The following LRRC20 variants were observed in gnomAD, a reference collection of about 807,000 sequenced individuals.
The protein encoded by LRRC20 is leucine rich repeat containing 20.
LRRC20 carries 11 observed loss-of-function variants against 14.4 expected under a neutral mutation model. The observed-to-expected ratio is 0.77, with a 90% CI of 0.48 to 1.27. The LOEUF (loss-of-function observed/expected upper bound fraction) is 1.27, where lower values mean the gene tolerates loss of function less well. LRRC20 is among the 50% of genes most tolerant of loss of function. LRRC20 has a pLI of 0.00. For missense variants in LRRC20, 219 were observed against 251.2 expected (o/e 0.87, Z 0.87); for synonymous variants, 121 against 107.3 (o/e 1.13, Z -0.79).
chr10:70,299,920 G>C lies in LRRC20; in HGVS notation c.*1434C>G, dbSNP rs1356785676. The C allele has an allele frequency of 6.6e-6, 1 of 152,316 alleles. No individual in the cohort carries two copies. The highest frequency in any genetic ancestry group is 2.4e-5 in the African/African-American group (1 of 41,436). The allele number at this position is 152,316 out of a possible 1,614,324, so 9.4% of individuals were successfully genotyped here. A position where few individuals can be genotyped will look rare whatever the true frequency, so the allele number is the denominator to read the frequency against. On this transcript the variant is annotated 3_prime_UTR_variant, in exon 5 of 5. Transcript: ENST00000446961. Reference sequence around the variant, plus strand: ...TCCCAAGAGACAAGAGACCTGGGCAGGGACGAGGGAACTGGGAGCATTCTG... The same window carrying C: ...TCCCAAGAGACAAGAGACCTGGGCACGGACGAGGGAACTGGGAGCATTCTG...
chr10:70,370,372 TTA>T (rs2137149706), intron 2 of LRRC20, among the ~76,000 whole-genome samples: 1 of 152,192 alleles, frequency 6.6e-6, no homozygotes, highest in Non-Finnish European at 1.5e-5. Flanking sequence ...GTCCAAATTA[TTA>T]TATTATATAA....
Position 70,301,189 on chromosome 10 carries a change from A to G in LRRC20, c.*165T>C. 4 of 1,409,254 alleles carry G rather than the reference A, an allele frequency of 2.8e-6. No individual in the cohort carries two copies. The highest frequency in any genetic ancestry group is 3.7e-6 in the Non-Finnish European group (4 of 1,084,988). The allele number at this position is 1,409,254 out of a possible 1,614,324, so 87.3% of individuals were successfully genotyped here. ...TCCCTTGGGCATTCCAGAGCCCACTACTGCTGTAAGCTATCTATCCAGACC... is the reference window on the plus strand; with the variant it reads ...TCCCTTGGGCATTCCAGAGCCCACTGCTGCTGTAAGCTATCTATCCAGACC... On this transcript the variant is annotated 3_prime_UTR_variant, in exon 5 of 5. Transcript: ENST00000446961.
intron 2 of LRRC20, among the ~76,000 whole-genome samples, chr10:70,373,272 C>A (rs1844381915): frequency 6.6e-6 from 1 of 152,158 alleles, no homozygotes; most frequent in African/African-American, 2.4e-5. Context: ...CCTTCCTGGT[C>A]TACTTCAATA....
At chr10:70,359,992 C>G (rs1048099907) in intron 2 of LRRC20, among the ~76,000 whole-genome samples, 1 of 151,246 alleles carries the variant, frequency 6.6e-6, no homozygotes, top group African/African-American at 2.4e-5. Context: ...TCTCGGCTCA[C>G]TGCAACCTCT....
At chr10:70,341,129 C>T (rs1842899541) in intron 2 of LRRC20, among the ~76,000 whole-genome samples, 1 of 152,220 alleles carries the variant, frequency 6.6e-6, no homozygotes, top group Admixed American at 6.5e-5. Flanking sequence ...GCAATTCACA[C>T]AGACTTTATG....
intron 2 of LRRC20, among the ~76,000 whole-genome samples, chr10:70,349,665 T>G (rs1328445452): frequency 6.6e-6 from 1 of 152,188 alleles, no homozygotes; most frequent in Non-Finnish European, 1.5e-5. Context: ...ACTTTTTCTA[T>G]AGTAACTCAT....
intron 4 of LRRC20, among the ~76,000 whole-genome samples, chr10:70,321,955 G>C (rs1238963713): frequency 6.6e-6 from 1 of 152,204 alleles, no homozygotes; most frequent in South Asian, 2.1e-4. Flanking sequence ...TATGCAAGAG[G>C]AGCCAAAACA....
rs114774184 is a variant in LRRC20, at chr10:70,318,167, G to A, written c.400+5696C>T. Reference sequence around the variant, plus strand: ...GCCTATTGAAGCCACTTTGAGAATTGAGAGCCCAGGCAGAGCTTCTCAGGC... The same window carrying A: ...GCCTATTGAAGCCACTTTGAGAATTAAGAGCCCAGGCAGAGCTTCTCAGGC... On this transcript the variant is annotated intron_variant, in intron 4 of 4. Transcript: ENST00000446961. Among the ~76,000 whole-genome samples, 1,313 of 152,278 alleles carry A rather than the reference G, an allele frequency of 8.6e-3. 19 individuals are homozygous for A. Among genetic ancestry groups the A allele is most frequent in the African/African-American group, 0.03 (1,262 of 41,540 alleles).
chr10:70,336,692 CT>C (rs1315184490), intron 3 of LRRC20, among the ~76,000 whole-genome samples: 2 of 152,348 alleles, frequency 1.3e-5, no homozygotes, highest in African/African-American at 4.8e-5. Flanking sequence ...TGCTGCCTGC[CT>C]TTGAGTCTCT....
At chr10:70,362,279 T>A (rs1843757954) in intron 2 of LRRC20, among the ~76,000 whole-genome samples, 1 of 152,112 alleles carries the variant, frequency 6.6e-6, no homozygotes, top group South Asian at 2.1e-4. Flanking sequence ...AAGGGAACAG[T>A]ATGTGCAAAG....
intron 1 of LRRC20, among the ~76,000 whole-genome samples, chr10:70,379,729 T>C (rs7068419): frequency 0.97 from 147,055 of 152,252 alleles, 71,231 homozygotes; most frequent in East Asian, 1. Flanking sequence ...GGGCTGAATA[T>C]TTTCAATCAG....
intron 4 of LRRC20, among the ~76,000 whole-genome samples, chr10:70,311,602 A>C (rs1270137779): frequency 6.6e-6 from 1 of 152,160 alleles, no homozygotes; most frequent in Non-Finnish European, 1.5e-5. Flanking sequence ...CTTTGAGCCT[A>C]TGACTGTAGA....
In LRRC20 at chr10:70,376,452, C is replaced by T. The variant is rs763009223; in HGVS notation, c.82G>A (p.Asp28Asn). The change falls in exon 2 of 5, where the codon GAC becomes AAC. Residue 28 changes from aspartate (D) to asparagine (N), a missense_variant and splice_region_variant. By Grantham distance (23) the Asp-to-Asn change is conservative. Transcript: ENST00000446961. Reference protein sequence around the residue: ...ETVESGSDTLDLAECKLVSFP... With the variant: ...ETVESGSDTLNLAECKLVSFP... Reference sequence around the variant, plus strand: ...TGGGAAAAGCCCTGCCCTCACTCACCCAGAGTGTCAGAGCCGCTCTCCACC... The same window carrying T: ...TGGGAAAAGCCCTGCCCTCACTCACTCAGAGTGTCAGAGCCGCTCTCCACC... 1 of 1,614,096 alleles carries T rather than the reference C, an allele frequency of 6.2e-7. No individual in the cohort carries two copies. Among genetic ancestry groups the T allele is most frequent in the East Asian group, 2.2e-5 (1 of 44,888 alleles).
At chr10:70,360,898 T>C (rs1843693889) in intron 2 of LRRC20, among the ~76,000 whole-genome samples, 3 of 152,012 alleles carry the variant, frequency 2.0e-5, no homozygotes, top group African/African-American at 2.4e-5. Flanking sequence ...AAAGAGGGTA[T>C]GGGAACTGTC....
At chr10:70,338,492 C>G (rs1842791341) in intron 3 of LRRC20, among the ~76,000 whole-genome samples, 1 of 152,204 alleles carries the variant, frequency 6.6e-6, no homozygotes, top group Non-Finnish European at 1.5e-5. Flanking sequence ...GATGATATTC[C>G]CTTTCATGGG....
chr10:70,349,640 G>C (rs1843218312), intron 2 of LRRC20, among the ~76,000 whole-genome samples: 1 of 152,174 alleles, frequency 6.6e-6, no homozygotes, highest in Non-Finnish European at 1.5e-5. Context: ...CTATGTGCCA[G>C]ACACAGTTCT....
In LRRC20 at chr10:70,322,064, G is replaced by A. The variant is rs142236369; in HGVS notation, c.400+1799C>T. Among the ~76,000 whole-genome samples, 796 of 152,320 alleles carry A rather than the reference G, an allele frequency of 5.2e-3. 4 individuals carry two copies. Among genetic ancestry groups the A allele is most frequent in the Admixed American group, 9.5e-3 (146 of 15,310 alleles). ...CTGGGCCACCCTTGCTGCCCACTTCGGTGCAAGTCACTTCTTGGACTGCAG... is the reference window on the plus strand; with the variant it reads ...CTGGGCCACCCTTGCTGCCCACTTCAGTGCAAGTCACTTCTTGGACTGCAG... On this transcript the variant is annotated intron_variant, in intron 4 of 4. Transcript: ENST00000446961.
intron 2 of LRRC20, among the ~76,000 whole-genome samples, chr10:70,342,068 G>A (rs999520559): frequency 1.3e-5 from 2 of 151,982 alleles, no homozygotes; most frequent in African/African-American, 4.8e-5. Flanking sequence ...GGAGGCTGAG[G>A]TGGCCAGATC....
chr10:70,318,443 C>G (rs949078088), intron 4 of LRRC20, among the ~76,000 whole-genome samples: 1 of 152,216 alleles, frequency 6.6e-6, no homozygotes, highest in East Asian at 1.9e-4. Context: ...CTATATGACA[C>G]AGATACTTTT....
Sources: allele counts gnomAD v4.1 joint callset (sites outside exome capture counted in the v4.1 genomes callset), GRCh38; gene constraint gnomAD v4.1.1; transcripts MANE v1.5; gene names NCBI Gene and HGNC (gene_info 2026-07-23, HGNC 2026-07-21).